PTPRK: variants seen among roughly 807,000 people sequenced by gnomAD.
PTPRK encodes the protein receptor-type tyrosine-protein phosphatase kappa.
PTPRK carries 75 observed loss-of-function variants against 178.0 expected under a neutral mutation model. That is an observed-to-expected ratio of 0.42 (90% CI 0.35 to 0.51). PTPRK has a LOEUF of 0.51. Ranked by LOEUF, PTPRK falls within the 20% of genes least tolerant of loss-of-function variation. The probability of loss-of-function intolerance (pLI) is 0.02; values close to 1 mark genes in which losing one functional copy is unlikely to be tolerated. For synonymous variants in PTPRK, 637 were observed against 620.6 expected (o/e 1.03, Z -0.39); for missense variants, 1,441 against 1,797.8 (o/e 0.80, Z 3.59).
intron 2 of PTPRK, among the ~76,000 whole-genome samples, chr6:128,338,675 C>CTA (rs1831268240): frequency 6.6e-6 from 1 of 151,550 alleles, no homozygotes; most frequent in African/African-American, 2.4e-5. Context: ...TGCTTCCCCT[C>CTA]TGCAGAAGGA....
At chr6:128,194,611 A>G (rs1804546617) in intron 6 of PTPRK, among the ~76,000 whole-genome samples, 1 of 152,226 alleles carries the variant, frequency 6.6e-6, no homozygotes, top group African/African-American at 2.4e-5. Context: ...GATTCCAGGA[A>G]TAACAATCAA....
Position 128,005,248 on chromosome 6 carries a change from C to T in PTPRK, c.2334-4G>A, listed in dbSNP as rs1778283428. 3 of 1,610,486 alleles carry T rather than the reference C, an allele frequency of 1.9e-6. No individual in the cohort carries two copies. The highest frequency in any genetic ancestry group is 2.7e-5 in the African/African-American group (2 of 74,632). On this transcript the variant is annotated splice_polypyrimidine_tract_variant and splice_region_variant and intron_variant, in intron 14 of 29. Coordinates refer to ENST00000368226, the MANE Select transcript of PTPRK (RefSeq NM_002844.4). ...TTTGCGTTTTTTAGCAAGTTTGCTG[C>T]CAAGGCAAATACAAAAGGGCATCCT...
intron 1 of PTPRK, among the ~76,000 whole-genome samples, chr6:128,472,543 C>T (rs1850838769): frequency 6.6e-6 from 1 of 151,820 alleles, no homozygotes; most frequent in Admixed American, 6.6e-5. Flanking sequence ...ATCCCTTACC[C>T]AAGTTCACCA....
chr6:127,992,980 G>A (rs994632856), intron 18 of PTPRK, among the ~76,000 whole-genome samples: 1 of 151,628 alleles, frequency 6.6e-6, no homozygotes, highest in African/African-American at 2.4e-5. Flanking sequence ...GATTTTGTTT[G>A]GTTTCACTAA....
Position 128,011,977 on chromosome 6 carries a change from C to A in PTPRK, c.2195-2709G>T, listed in dbSNP as rs571086112. Among the ~76,000 whole-genome samples the A allele has an allele frequency of 8.1e-4, 123 of 151,168 alleles. 1 individual carries two copies. Among genetic ancestry groups the A allele is most frequent in the Middle Eastern group, 3.4e-3 (1 of 294 alleles). On this transcript the variant is annotated intron_variant, in intron 13 of 29. Transcript: ENST00000368226. ...AGTGGTTAATAAAGAAAAAAAAGCCCATTAAGTTATTTATTTGAGTTGGGT... is the reference window on the plus strand; with the variant it reads ...AGTGGTTAATAAAGAAAAAAAAGCCAATTAAGTTATTTATTTGAGTTGGGT...
chr6:128,432,279 T>G (rs571708882), intron 1 of PTPRK, among the ~76,000 whole-genome samples: 2 of 152,194 alleles, frequency 1.3e-5, no homozygotes, highest in Non-Finnish European at 2.9e-5. Context: ...ATTTTTAAGT[T>G]AAAAAACCTG....
At chr6:128,231,126 C>T (rs766204288) in intron 5 of PTPRK, among the ~76,000 whole-genome samples, 1 of 152,042 alleles carries the variant, frequency 6.6e-6, no homozygotes, top group Non-Finnish European at 1.5e-5. Context: ...ATCCAAAATG[C>T]CAGAAAGCAG....
At chr6:128,126,646 T>C (rs1162959731) in intron 7 of PTPRK, among the ~76,000 whole-genome samples, 2 of 152,018 alleles carry the variant, frequency 1.3e-5, no homozygotes, top group African/African-American at 4.8e-5. Flanking sequence ...AGCTCCACAC[T>C]TGGATAATTA....
intron 3 of PTPRK, 127 bp from the exon 4 acceptor site, chr6:128,242,729 T>G: frequency 7.4e-7 from 1 of 1,352,954 alleles, no homozygotes; most frequent in East Asian, 2.6e-5. Context: ...AAATTTAACC[T>G]TATAATGTAA....
intron 2 of PTPRK, among the ~76,000 whole-genome samples, chr6:128,366,467 A>G (rs948706161): frequency 6.6e-6 from 1 of 152,148 alleles, no homozygotes; most frequent in Non-Finnish European, 1.5e-5. Context: ...ATACTAACAA[A>G]AACATCTCCA....
rs1584429178 is a variant in PTPRK, at chr6:128,376,888, T to C, written c.223+20678A>G. On this transcript the variant is annotated intron_variant, in intron 2 of 29. Coordinates refer to ENST00000368226, the MANE Select transcript of PTPRK (RefSeq NM_002844.4). Reference sequence around the variant, plus strand: ...AATACGTAACAAGAGTCACCTTTGCTCCGGTTCCCAACAAGTTCCTCATCT... The same window carrying C: ...AATACGTAACAAGAGTCACCTTTGCCCCGGTTCCCAACAAGTTCCTCATCT... Among the ~76,000 whole-genome samples the C allele has an allele frequency of 4.6e-5, 7 of 152,282 alleles. No homozygotes were observed. The South Asian group carries it at 1.5e-3, about 32-fold the overall frequency.
At chr6:128,078,340 C>T (rs542441975) in intron 11 of PTPRK, among the ~76,000 whole-genome samples, 1 of 152,110 alleles carries the variant, frequency 6.6e-6, no homozygotes, top group East Asian at 1.9e-4. Context: ...ATAAAACTCT[C>T]CTGACAGAAA....
At chr6:128,364,428 T>C (rs1835200999) in intron 2 of PTPRK, among the ~76,000 whole-genome samples, 1 of 152,090 alleles carries the variant, frequency 6.6e-6, no homozygotes, top group Non-Finnish European at 1.5e-5. Flanking sequence ...ACTGAATACT[T>C]TTTACATATA....
At chr6:128,111,758 C>T (rs768009025) in intron 7 of PTPRK, among the ~76,000 whole-genome samples, 1 of 152,046 alleles carries the variant, frequency 6.6e-6, no homozygotes, top group Non-Finnish European at 1.5e-5. Flanking sequence ...TCCATATCTT[C>T]TCCATGCTCA....
chr6:128,060,601 T>A lies in PTPRK; in HGVS notation c.2194+4157A>T, dbSNP rs557212858. 1.7e-4 allele frequency among the ~76,000 whole-genome samples: 26 copies of A among 152,288 alleles called. No individual in the cohort carries two copies. In the South Asian group the frequency reaches 5.4e-3, roughly 32 times the overall value. On this transcript the variant is annotated intron_variant, in intron 13 of 29. Transcript: ENST00000368226. The stretch of plus-strand genomic sequence containing the variant: ...AAGCTATAGAATATGGTCATAAGAA[T>A]AGCAGTGATTACAATGAAAAGACAA...
chr6:128,439,243 G>A (rs918890550), intron 1 of PTPRK, among the ~76,000 whole-genome samples: 1 of 152,108 alleles, frequency 6.6e-6, no homozygotes, highest in Non-Finnish European at 1.5e-5. Flanking sequence ...TACTGAAGTG[G>A]TGGGGTGGGG....
At chr6:128,360,642 C>A (rs953930675) in intron 2 of PTPRK, among the ~76,000 whole-genome samples, 1 of 152,114 alleles carries the variant, frequency 6.6e-6, no homozygotes, top group Non-Finnish European at 1.5e-5. Flanking sequence ...TAGACTAATT[C>A]TGCAAAATGT....
chr6:128,063,730 AT>A, intron 13 of PTPRK, among the ~76,000 whole-genome samples: 1 of 152,256 alleles, frequency 6.6e-6, no homozygotes, highest in East Asian at 1.9e-4. Flanking sequence ...GAAAAAGTAT[AT>A]TTTTTTCTCT....
chr6:128,282,785 C>T (rs918686959), intron 3 of PTPRK, among the ~76,000 whole-genome samples: 1 of 152,040 alleles, frequency 6.6e-6, no homozygotes. Flanking sequence ...GTAGATACCC[C>T]CAGAAAGCAC....
Sources: allele counts gnomAD v4.1 joint callset (sites outside exome capture counted in the v4.1 genomes callset), GRCh38; gene constraint gnomAD v4.1.1; transcripts MANE v1.5; gene names NCBI Gene and HGNC (gene_info 2026-07-23, HGNC 2026-07-21).